The following MIS18BP1 variants were observed in gnomAD, a reference collection of about 807,000 sequenced individuals.
The protein encoded by MIS18BP1 is mis18-binding protein 1.
Under a neutral mutation model 116.1 loss-of-function variants are expected in MIS18BP1, and 72 were observed. That is an observed-to-expected ratio of 0.62 (90% CI 0.51 to 0.75). The LOEUF (loss-of-function observed/expected upper bound fraction) is 0.75. Ranked by LOEUF, MIS18BP1 falls within the 30% of genes least tolerant of loss-of-function variation. The probability of loss-of-function intolerance (pLI) is 0.00; values close to 1 mark genes in which losing one functional copy is unlikely to be tolerated. For missense variants in MIS18BP1, 1,363 were observed against 1,303.2 expected (o/e 1.05, Z -0.71); for synonymous variants, 386 against 427.0 (o/e 0.90, Z 1.18).
intron 1 of MIS18BP1, among the ~76,000 whole-genome samples, chr14:45,251,293 A>G (rs1197421747): frequency 6.6e-6 from 1 of 152,160 alleles, no homozygotes; most frequent in Non-Finnish European, 1.5e-5. Flanking sequence ...ATAGGTTATA[A>G]TATATAGCCT....
chr14:45,233,908 T>C (rs928869410), intron 6 of MIS18BP1, among the ~76,000 whole-genome samples: 2 of 152,156 alleles, frequency 1.3e-5, no homozygotes, highest in Non-Finnish European at 1.5e-5. Context: ...AGATATAAAA[T>C]TGGCATTCAT....
intron 2 of MIS18BP1, 113 bp from the exon 3 acceptor site, chr14:45,242,987 C>T: frequency 1.6e-6 from 1 of 641,400 alleles, no homozygotes; most frequent in East Asian, 2.7e-5. Context: ...ATGATCAGAC[C>T]AGTATAGTAC....
chr14:45,245,254 C>G (rs186601353), intron 2 of MIS18BP1, among the ~76,000 whole-genome samples: 36 of 152,312 alleles, frequency 2.4e-4, no homozygotes, highest in African/African-American at 8.2e-4. Context: ...CATTAGACAG[C>G]TGTCAACTCC....
At position 45,224,210 on chromosome 14, in the gene MIS18BP1, C is replaced by T; in HGVS notation, c.2377G>A (p.Ala793Thr). ...KRKAEVKKTKAGNTKEAVVHL... is the reference protein window; with the variant it reads ...KRKAEVKKTKTGNTKEAVVHL... ...ACCACTGCTTCTTTGGTGTTTCCTG[C>T]TTTGGTTTTCTTAACTTCAGCTTTC... The change falls in exon 11 of 17, where the codon GCA becomes ACA. Residue 793 changes from alanine (A) to threonine (T), a missense_variant. Physicochemically the swap from Ala to Thr is moderately conservative, Grantham distance 58. Transcript: ENST00000310806. The T allele has an allele frequency of 6.2e-7, 1 of 1,613,990 alleles. No homozygotes were observed. The highest frequency in any genetic ancestry group is 8.5e-7 in the Non-Finnish European group (1 of 1,180,008).
At chr14:45,225,207 C>T (rs1317555191) in intron 10 of MIS18BP1, among the ~76,000 whole-genome samples, 1 of 152,066 alleles carries the variant, frequency 6.6e-6, no homozygotes, top group African/African-American at 2.4e-5. Flanking sequence ...ATTCTCTAAC[C>T]CACCTAGTGT....
chr14:45,214,222 C>T (rs775735422), intron 13 of MIS18BP1, among the ~76,000 whole-genome samples: 4 of 152,164 alleles, frequency 2.6e-5, no homozygotes, highest in East Asian at 1.9e-4. Flanking sequence ...GTCTCCTGCT[C>T]GTCCCTGGGC....
chr14:45,248,703 A>T (rs1891789835), intron 1 of MIS18BP1, among the ~76,000 whole-genome samples: 1 of 152,212 alleles, frequency 6.6e-6, no homozygotes, highest in Non-Finnish European at 1.5e-5. Flanking sequence ...AATTTATGAT[A>T]ATAGAGAAAA....
chr14:45,230,219 T>C (rs8010301), intron 8 of MIS18BP1, among the ~76,000 whole-genome samples: 4,393 of 152,304 alleles, frequency 0.029, 230 homozygotes, highest in African/African-American at 0.1. Context: ...CTCATCTATA[T>C]TGTTTAGAAA....
chr14:45,215,284 T>A (rs1890784542), intron 13 of MIS18BP1, among the ~76,000 whole-genome samples: 1 of 152,206 alleles, frequency 6.6e-6, no homozygotes, highest in African/African-American at 2.4e-5. Context: ...GTAGCCTTTT[T>A]AAATTGAAGA....
intron 11 of MIS18BP1, among the ~76,000 whole-genome samples, chr14:45,221,424 A>G (rs958461583): frequency 6.6e-6 from 1 of 152,150 alleles, no homozygotes; most frequent in Non-Finnish European, 1.5e-5. Flanking sequence ...GCGACAGAGC[A>G]AGACTCCGTC....
intron 1 of MIS18BP1, among the ~76,000 whole-genome samples, chr14:45,252,370 TAAC>T (rs1891899950): frequency 6.6e-6 from 1 of 152,158 alleles, no homozygotes; most frequent in African/African-American, 2.4e-5. Flanking sequence ...AAAAAGAAAG[TAAC>T]AACATAGAAT....
In MIS18BP1 at chr14:45,252,298, T is replaced by C. The variant is rs1891897233; in HGVS notation, c.-92+737A>G. On this transcript the variant is annotated intron_variant, in intron 1 of 16. Transcript: ENST00000310806. ...CGCCACATCCATACAATTTACTCTA[T>C]GTATTCAATAAAAAGATATATATGT... 1.3e-5 allele frequency among the ~76,000 whole-genome samples: 2 copies of C among 152,222 alleles called. 1 individual carries two copies. Among genetic ancestry groups the C allele is most frequent in the Non-Finnish European group, 2.9e-5 (2 of 68,044 alleles).
At chr14:45,229,026 T>C (rs895734002) in intron 8 of MIS18BP1, among the ~76,000 whole-genome samples, 4 of 152,138 alleles carry the variant, frequency 2.6e-5, no homozygotes, top group Admixed American at 6.5e-5. Context: ...GATATGAAGA[T>C]AGTGTCTAAC....
Position 45,204,459 on chromosome 14 carries a change from A to G in MIS18BP1, c.3241-6T>C, listed in dbSNP as rs1193676077. On this transcript the variant is annotated splice_polypyrimidine_tract_variant and splice_region_variant and intron_variant, in intron 15 of 16. Coordinates refer to ENST00000310806, the MANE Select transcript of MIS18BP1 (RefSeq NM_018353.5). ...GTTGAGAAATCAGTTTCAACCTATA[A>G]AAGAGTTACTATTAATAGCTAAATG... is the stretch of plus-strand genomic sequence containing the variant. 2 of 1,588,918 alleles carry G rather than the reference A, an allele frequency of 1.3e-6. No homozygotes were observed. Among genetic ancestry groups the G allele is most frequent in the East Asian group, 2.3e-5 (1 of 44,206 alleles).
chr14:45,236,187 A>G (rs910294366), intron 5 of MIS18BP1, among the ~76,000 whole-genome samples: 6 of 152,186 alleles, frequency 3.9e-5, no homozygotes, highest in African/African-American at 1.4e-4. Flanking sequence ...TTAGTAAGGG[A>G]GCAGAGGCCT....
intron 11 of MIS18BP1, among the ~76,000 whole-genome samples, chr14:45,221,851 G>A (rs1189778178): frequency 1.3e-5 from 2 of 152,186 alleles, no homozygotes; most frequent in African/African-American, 4.8e-5. Context: ...TCCTATAACT[G>A]TGGATTTGAC....
intron 1 of MIS18BP1, among the ~76,000 whole-genome samples, chr14:45,248,709 GA>G (rs1417995272): frequency 6.6e-6 from 1 of 151,898 alleles, no homozygotes; most frequent in Non-Finnish European, 1.5e-5. Flanking sequence ...TGATAATAGA[GA>G]AAAAAAGAAG....
intron 15 of MIS18BP1, 42 bp from the exon 16 acceptor site, chr14:45,204,495 G>T: frequency 6.9e-7 from 1 of 1,459,724 alleles, no homozygotes; most frequent in Non-Finnish European, 9.3e-7. Flanking sequence ...GTACCTCCTG[G>T]TGAAGTCTAC....
At chr14:45,211,061 A>G (rs1331110878) in intron 13 of MIS18BP1, among the ~76,000 whole-genome samples, 2 of 152,142 alleles carry the variant, frequency 1.3e-5, no homozygotes, top group East Asian at 3.9e-4. Flanking sequence ...TTTCTCCCCA[A>G]TTTTAAGATA....
Sources: gnomAD v4.1 joint callset for allele counts (sites outside exome capture counted in the v4.1 genomes callset) on GRCh38, gnomAD v4.1.1 for gene constraint, MANE v1.5 for transcripts, NCBI Gene and HGNC (gene_info 2026-07-23, HGNC 2026-07-21) for gene names.